The following GPC5 variants were observed in gnomAD, a reference collection of about 807,000 sequenced individuals.
GPC5 encodes the protein glypican 5, also known as glypican-5.
Under a neutral mutation model 53.9 loss-of-function variants are expected in GPC5, and 47 were observed. The ratio of observed to expected loss-of-function variants is 0.87; its 90% CI spans 0.69 to 1.11. The LOEUF (loss-of-function observed/expected upper bound fraction) is 1.11. Among genes scored for constraint, GPC5 ranks in the 50% most tolerant of loss-of-function variants. The pLI, the probability that GPC5 is intolerant of heterozygous loss-of-function variation, is 0.00. For synonymous variants in GPC5, 286 were observed against 263.3 expected, an observed-to-expected ratio of 1.09 and a Z score of -0.84; for missense variants, 748 against 713.1, an observed-to-expected ratio of 1.05 and a Z score of -0.56.
At chr13:91,466,598 T>C (rs547552550) in intron 2 of GPC5, among the ~76,000 whole-genome samples, 1 of 152,220 alleles carries the variant, frequency 6.6e-6, no homozygotes, top group Non-Finnish European at 1.5e-5. Flanking sequence ...GTTAATATAT[T>C]TTAATAGTCT....
At chr13:92,476,091 T>C (rs934604477) in intron 7 of GPC5, among the ~76,000 whole-genome samples, 9 of 151,864 alleles carry the variant, frequency 5.9e-5, no homozygotes, top group Non-Finnish European at 8.8e-5. Context: ...GAAACTACCA[T>C]CAGAGTGAAC....
rs541762281 is a variant in GPC5, at chr13:91,930,594, A to T, written c.1401+22537A>T. The stretch of plus-strand genomic sequence containing the variant: ...TTCAGCCTTTTTTGTCCTACAAAAA[A>T]AAATGACAGTTTTATGTTTCCACCT... On this transcript the variant is annotated intron_variant, in intron 6 of 7. Coordinates refer to ENST00000377067, the MANE Select transcript of GPC5 (RefSeq NM_004466.6). Among the ~76,000 whole-genome samples the T allele has an allele frequency of 3.3e-5, 5 of 152,216 alleles. No individual in the cohort carries two copies. In the South Asian group the frequency reaches 8.3e-4, roughly 25 times the overall value.
chr13:91,756,407 G>A lies in GPC5; in HGVS notation c.1267G>A (p.Asp423Asn), dbSNP rs1363993395. ...ADGLPCWNGE[D>N]IVKSYTQRVV... ...TGGACTTCCCTGCTGGAATGGAGAA[G>A]ATATAGTAAAAAGGTATTTTATGTG... is the stretch of plus-strand genomic sequence containing the variant. The change falls in exon 5 of 8, where the codon GAT (aspartate) becomes AAT (asparagine). Residue 423 changes from aspartate (D) to asparagine (N), a missense_variant. Physicochemically the swap from Asp to Asn is conservative, Grantham distance 23 (BLOSUM62 1). Transcript: ENST00000377067. The A allele has an allele frequency of 6.3e-7, 1 of 1,586,904 alleles. No individual in the cohort carries two copies. The highest frequency in any genetic ancestry group is 1.7e-5 in the Admixed American group (1 of 58,582).
Position 92,119,390 on chromosome 13 carries a change from G to GTTTTTT in GPC5, c.1402-25420_1402-25415dup, listed in dbSNP as rs386380215. Reference sequence around the variant, plus strand: ...TATATACATTCACATTAGGATTTTAGTTTTTTTTTTTTTTTTTTTTTTTTT... The same window carrying GTTTTTT: ...TATATACATTCACATTAGGATTTTAGTTTTTTTTTTTTTTTTTTTTTTTTTTTTTTT... On this transcript the variant is annotated intron_variant, in intron 6 of 7. Coordinates refer to ENST00000377067, the MANE Select transcript of GPC5 (RefSeq NM_004466.6). 3.5e-3 allele frequency among the ~76,000 whole-genome samples: 233 copies of GTTTTTT among 65,694 alleles called. 17 individuals carry two copies. Among genetic ancestry groups the GTTTTTT allele is most frequent in the East Asian group, 0.014 (30 of 2,084 alleles). The allele number at this position is 65,694 out of a possible 152,430, so 43.1% of individuals were successfully genotyped here.
intron 6 of GPC5, among the ~76,000 whole-genome samples, chr13:92,099,898 T>G (rs2041452032): frequency 6.6e-6 from 1 of 152,180 alleles, no homozygotes; most frequent in Non-Finnish European, 1.5e-5. Context: ...AAGATTAACC[T>G]GTACAGGCCT....
At chr13:92,863,839 A>G (rs566374015) in intron 7 of GPC5, among the ~76,000 whole-genome samples, 1 of 152,224 alleles carries the variant, frequency 6.6e-6, no homozygotes, top group Admixed American at 6.5e-5. Flanking sequence ...CTGTGTAATA[A>G]TATTTCCTTC....
intron 7 of GPC5, among the ~76,000 whole-genome samples, chr13:92,420,376 A>T (rs1876503085): frequency 6.6e-6 from 1 of 152,068 alleles, no homozygotes; most frequent in Admixed American, 6.6e-5. Flanking sequence ...TTGTGGATAC[A>T]TAGTAGGTGT....
intron 6 of GPC5, among the ~76,000 whole-genome samples, chr13:91,977,989 A>T (rs1594701827): frequency 8.6e-6 from 1 of 116,716 alleles, no homozygotes; most frequent in African/African-American, 4.0e-5. Flanking sequence ...GAAAGAAAAG[A>T]AAAAAAAAAT....
intron 7 of GPC5, among the ~76,000 whole-genome samples, chr13:92,796,530 T>C (rs1876690664): frequency 6.6e-6 from 1 of 151,794 alleles, no homozygotes; most frequent in African/African-American, 2.4e-5. Flanking sequence ...GAGCTGAAAA[T>C]CCTTGGCATT....
chr13:91,969,403 A>G lies in GPC5; in HGVS notation c.1401+61346A>G, dbSNP rs533313624. Among the ~76,000 whole-genome samples, 5 of 152,352 alleles carry G rather than the reference A, an allele frequency of 3.3e-5. No homozygotes were observed. In the South Asian group the frequency reaches 1.0e-3, roughly 32 times the overall value. Reference sequence around the variant, plus strand: ...CTCAAAATGGATTAAAGGCTTACATAGAAATGTAAATCTTCTAGAAAAAAA... The same window carrying G: ...CTCAAAATGGATTAAAGGCTTACATGGAAATGTAAATCTTCTAGAAAAAAA... On this transcript the variant is annotated intron_variant, in intron 6 of 7. Transcript: ENST00000377067.
chr13:92,418,366 C>T (rs1453859960), intron 7 of GPC5, among the ~76,000 whole-genome samples: 1 of 81,820 alleles, frequency 1.2e-5, no homozygotes, highest in Non-Finnish European at 2.3e-5. Context: ...AGATTATTTG[C>T]TGATAGCACA....
intron 5 of GPC5, among the ~76,000 whole-genome samples, chr13:91,849,618 C>T (rs935045206): frequency 2.0e-5 from 3 of 152,032 alleles, no homozygotes; most frequent in African/African-American, 7.2e-5. Flanking sequence ...TGAGTATCCA[C>T]AGAACACAGT....
At chr13:92,168,993 G>T (rs146332614) in intron 7 of GPC5, among the ~76,000 whole-genome samples, 1,547 of 152,180 alleles carry the variant, frequency 0.01, 25 homozygotes, top group African/African-American at 0.035. Context: ...GGAATACTTC[G>T]CAGCCATAAA....
At chr13:92,011,636 C>G (rs2040662504) in intron 6 of GPC5, among the ~76,000 whole-genome samples, 2 of 152,142 alleles carry the variant, frequency 1.3e-5, no homozygotes, top group African/African-American at 2.4e-5. Flanking sequence ...TGGGGTATTA[C>G]AGTGGAATTA....
chr13:92,235,982 T>C (rs2042566612), intron 7 of GPC5, among the ~76,000 whole-genome samples: 1 of 152,126 alleles, frequency 6.6e-6, no homozygotes, highest in African/African-American at 2.4e-5. Flanking sequence ...TAAGCTAGGC[T>C]ACCTTTTTCC....
intron 2 of GPC5, among the ~76,000 whole-genome samples, chr13:91,684,419 C>T (rs951499537): frequency 3.3e-5 from 5 of 152,086 alleles, no homozygotes; most frequent in Non-Finnish European, 5.9e-5. Flanking sequence ...AACACGGAGC[C>T]GGCATACTCT....
chr13:92,159,674 T>A (rs1207217680), intron 7 of GPC5, among the ~76,000 whole-genome samples: 1 of 141,068 alleles, frequency 7.1e-6, no homozygotes, highest in Non-Finnish European at 1.5e-5. Context: ...GCAATCTCAG[T>A]TCACTGCAAG....
At chr13:91,804,887 C>G (rs768342968) in intron 5 of GPC5, among the ~76,000 whole-genome samples, 4 of 152,146 alleles carry the variant, frequency 2.6e-5, no homozygotes, top group Non-Finnish European at 5.9e-5. Flanking sequence ...ATCTCAATAC[C>G]AGACCTGGCA....
intron 5 of GPC5, among the ~76,000 whole-genome samples, chr13:91,896,456 C>A (rs1212942057): frequency 1.3e-5 from 2 of 152,136 alleles, no homozygotes; most frequent in Non-Finnish European, 2.9e-5. Flanking sequence ...CATCTGTAAA[C>A]CCCCTTTGTA....
Sources: gnomAD v4.1 joint callset for allele counts (sites outside exome capture counted in the v4.1 genomes callset) on GRCh38, gnomAD v4.1.1 for gene constraint, MANE v1.5 for transcripts, NCBI Gene and HGNC (gene_info 2026-07-23, HGNC 2026-07-21) for gene names.